NCAM2: variants seen among roughly 807,000 people sequenced by gnomAD.
NCAM2 encodes the protein N-CAM-2.
In NCAM2, 30 loss-of-function variants were observed where a neutral mutation model predicts 98.1. The ratio of observed to expected loss-of-function variants is 0.31; its 90% CI spans 0.23 to 0.41. The LOEUF is 0.41. NCAM2 is among the 10% of genes least tolerant of loss of function. The probability of loss-of-function intolerance (pLI) is 1.00; values close to 1 mark genes in which losing one functional copy is unlikely to be tolerated. For missense variants in NCAM2, 867 were observed against 1,005.8 expected (o/e 0.86, Z 1.87); for synonymous variants, 368 against 342.4 (o/e 1.07, Z -0.83).
intron 1 of NCAM2, among the ~76,000 whole-genome samples, chr21:21,000,527 T>C (rs111948198): frequency 0.015 from 2,261 of 152,198 alleles, 47 homozygotes; most frequent in African/African-American, 0.051. Context: ...TGTGAAATTG[T>C]GATTCAGCTA....
chr21:21,331,578 T>TATATATATATAG (rs1444969281), intron 6 of NCAM2, among the ~76,000 whole-genome samples: 1 of 2,150 alleles, frequency 4.7e-4, no homozygotes, highest in African/African-American at 7.5e-4. Context: ...CATATATATA[T>TATATATATATAG]AGAGAGAGAG....
At chr21:21,074,966 A>T (rs2065649221) in intron 1 of NCAM2, among the ~76,000 whole-genome samples, 1 of 152,224 alleles carries the variant, frequency 6.6e-6, no homozygotes, top group Admixed American at 6.5e-5. Flanking sequence ...AAGAGGATAA[A>T]GAAAATGTGG....
intron 15 of NCAM2, among the ~76,000 whole-genome samples, chr21:21,489,846 G>A (rs1247168118): frequency 2.6e-5 from 4 of 151,718 alleles, no homozygotes; most frequent in African/African-American, 7.3e-5. Context: ...TTATTAACTC[G>A]TTCTCTTACC....
At chr21:21,048,181 C>T (rs2065036563) in intron 1 of NCAM2, among the ~76,000 whole-genome samples, 1 of 152,162 alleles carries the variant, frequency 6.6e-6, no homozygotes, top group South Asian at 2.1e-4. Flanking sequence ...CTGAGAGCTT[C>T]CTCTGTACAA....
intron 15 of NCAM2, among the ~76,000 whole-genome samples, chr21:21,493,201 C>T (rs114401106): frequency 0.015 from 2,225 of 151,914 alleles, 56 homozygotes; most frequent in African/African-American, 0.051. Context: ...TACATAAAAA[C>T]AGGAAGCTAA....
chr21:21,380,081 G>T (rs943072960), intron 9 of NCAM2, among the ~76,000 whole-genome samples: 1 of 152,086 alleles, frequency 6.6e-6, no homozygotes, highest in African/African-American at 2.4e-5. Flanking sequence ...CCCAGATTAA[G>T]GGTGGGTCTG....
At chr21:21,164,585 A>G (rs2067891645) in intron 1 of NCAM2, among the ~76,000 whole-genome samples, 1 of 152,230 alleles carries the variant, frequency 6.6e-6, no homozygotes, top group Non-Finnish European at 1.5e-5. Flanking sequence ...TTTCTCTACA[A>G]GGTTCTAATT....
intron 1 of NCAM2, among the ~76,000 whole-genome samples, chr21:21,083,194 A>C (rs77105289): frequency 0.01 from 1,536 of 152,294 alleles, 22 homozygotes; most frequent in East Asian, 0.053. Context: ...AACGTGGTAC[A>C]TGGAACCTGG....
chr21:21,377,074 A>G (rs889225586), intron 9 of NCAM2, among the ~76,000 whole-genome samples: 2 of 151,830 alleles, frequency 1.3e-5, no homozygotes. Flanking sequence ...AATGGCTCTT[A>G]TAACACTTGA....
intron 15 of NCAM2, among the ~76,000 whole-genome samples, chr21:21,481,489 T>G (rs1029045191): frequency 3.3e-5 from 5 of 152,140 alleles, no homozygotes; most frequent in East Asian, 3.9e-4. Flanking sequence ...CATTGAGAGA[T>G]AAATTAGGTA....
rs1289463822 is a variant in NCAM2, at chr21:21,361,972, T to C, written c.1045-11891T>C. On this transcript the variant is annotated intron_variant, in intron 8 of 17. Transcript: ENST00000400546. ...AGGTAAATTGTACATTGTGGGGTAT[T>C]GAAGCACAGATTATAGAAATTCATA... Among the ~76,000 whole-genome samples the C allele has an allele frequency of 3.3e-5, 5 of 152,212 alleles. No homozygotes were observed. In the East Asian group the frequency reaches 9.6e-4, roughly 29 times the overall value.
chr21:21,421,763 A>T (rs1010407942), intron 11 of NCAM2, among the ~76,000 whole-genome samples: 6 of 152,188 alleles, frequency 3.9e-5, no homozygotes, highest in Non-Finnish European at 7.3e-5. Context: ...AAAGGTCAAG[A>T]TCATTTGGCA....
At chr21:21,241,255 A>G (rs918287544) in intron 1 of NCAM2, among the ~76,000 whole-genome samples, 2 of 152,126 alleles carry the variant, frequency 1.3e-5, no homozygotes, top group African/African-American at 4.8e-5. Flanking sequence ...TTCTTTTGGA[A>G]ATTATTTCTA....
chr21:21,198,948 T>A (rs1455757197), intron 1 of NCAM2, among the ~76,000 whole-genome samples: 1 of 152,130 alleles, frequency 6.6e-6, no homozygotes, highest in Non-Finnish European at 1.5e-5. Flanking sequence ...AAATTCAGGC[T>A]CAGTTAAGAG....
intron 1 of NCAM2, among the ~76,000 whole-genome samples, chr21:21,170,292 A>G (rs2068081703): frequency 6.6e-6 from 1 of 152,238 alleles, no homozygotes; most frequent in African/African-American, 2.4e-5. Flanking sequence ...GCTGCACAAA[A>G]ACCTACGTGT....
chr21:21,458,200 G>GC (rs1464576167), intron 12 of NCAM2, among the ~76,000 whole-genome samples: 1 of 152,188 alleles, frequency 6.6e-6, no homozygotes, highest in Non-Finnish European at 1.5e-5. Context: ...CCCAGCTGTG[G>GC]CCCCACTGGG....
In NCAM2 at chr21:21,472,379, C is replaced by T. The variant is rs987958418; in HGVS notation, c.1896+3596C>T. On this transcript the variant is annotated intron_variant, in intron 14 of 17. Transcript: ENST00000400546. The stretch of plus-strand genomic sequence containing the variant: ...AAAATAATAAATAAGTAAAATCAAG[C>T]TTTGGTTCTTAAGAAAACATTTTCC... 5.9e-5 allele frequency among the ~76,000 whole-genome samples: 9 copies of T among 151,970 alleles called. No homozygotes were observed. In the East Asian group the frequency reaches 1.7e-3, roughly 29 times the overall value.
At chr21:21,438,943 G>C (rs2146069561) in intron 12 of NCAM2, among the ~76,000 whole-genome samples, 1 of 151,924 alleles carries the variant, frequency 6.6e-6, no homozygotes, top group East Asian at 1.9e-4. Context: ...TTTATTAGTT[G>C]GGTGTGAAGG....
intron 1 of NCAM2, among the ~76,000 whole-genome samples, chr21:21,182,250 A>G (rs1359693051): frequency 6.6e-6 from 1 of 152,140 alleles, no homozygotes; most frequent in Non-Finnish European, 1.5e-5. Flanking sequence ...GTAGAGTATT[A>G]TTTAGTAACT....
Sources: gnomAD v4.1 joint callset for allele counts (sites outside exome capture counted in the v4.1 genomes callset) on GRCh38, gnomAD v4.1.1 for gene constraint, MANE v1.5 for transcripts, NCBI Gene and HGNC (gene_info 2026-07-23, HGNC 2026-07-21) for gene names.